MDGA2: variants seen among roughly 807,000 people sequenced by gnomAD.
MDGA2 encodes the protein MAM domain containing glycosylphosphatidylinositol anchor 2.
Under a neutral mutation model 117.8 loss-of-function variants are expected in MDGA2, and 40 were observed. That is an observed-to-expected ratio of 0.34 (90% confidence interval 0.26 to 0.44). MDGA2 has a LOEUF of 0.44. Ranked by LOEUF, MDGA2 falls within the 20% of genes least tolerant of loss-of-function variation. The pLI is 1.00. For synonymous variants in MDGA2, 452 were observed against 439.0 expected (o/e 1.03, Z -0.37); for missense variants, 1,123 against 1,250.6 (o/e 0.90, Z 1.54).
intron 5 of MDGA2, among the ~76,000 whole-genome samples, chr14:47,118,490 A>G (rs561354435): frequency 1.8e-4 from 28 of 152,322 alleles, no homozygotes; most frequent in African/African-American, 5.8e-4. Flanking sequence ...CTGAAAATAC[A>G]GCTTTCAAAT....
intron 5 of MDGA2, among the ~76,000 whole-genome samples, chr14:47,129,089 T>G (rs1374068912): frequency 3.1e-5 from 3 of 95,308 alleles, no homozygotes; most frequent in African/African-American, 9.2e-5. Context: ...CATTCTCTAG[T>G]TTTTTTTTTT....
chr14:47,046,677 C>A (rs1889278314), intron 7 of MDGA2, among the ~76,000 whole-genome samples: 1 of 151,538 alleles, frequency 6.6e-6, no homozygotes, highest in Non-Finnish European at 1.5e-5. Context: ...TATGTATAAG[C>A]AGTTGATAAA....
At chr14:47,085,386 G>A (rs186883882) in intron 6 of MDGA2, among the ~76,000 whole-genome samples, 16 of 152,192 alleles carry the variant, frequency 1.1e-4, no homozygotes, top group East Asian at 5.8e-4. Flanking sequence ...AGTAACTAAG[G>A]AATTTGAATA....
Position 46,967,836 on chromosome 14 carries a change from CTAA to C in MDGA2, c.1820-10196_1820-10194del, listed in dbSNP as rs1384919284. On this transcript the variant is annotated intron_variant, in intron 8 of 16. Coordinates refer to ENST00000399232, the MANE Select transcript of MDGA2 (RefSeq NM_001113498.3). ...CACAGTAAGAGATGGACAGCAATAACTAATAATAAAAGAATGATTATAATAATA... is the reference window on the plus strand; with the variant it reads ...CACAGTAAGAGATGGACAGCAATAACTAATAAAAGAATGATTATAATAATA... Among the ~76,000 whole-genome samples, 8 of 150,952 alleles carry C rather than the reference CTAA, an allele frequency of 5.3e-5. No homozygotes were observed. In the Middle Eastern group the frequency reaches 0.017, roughly 321 times the overall value.
chr14:47,344,027 T>C (rs1355667784), intron 1 of MDGA2, among the ~76,000 whole-genome samples: 1 of 152,196 alleles, frequency 6.6e-6, no homozygotes, highest in East Asian at 1.9e-4. Flanking sequence ...CTTGCCCCTC[T>C]GAGTGCAAAC....
intron 2 of MDGA2, among the ~76,000 whole-genome samples, chr14:47,272,496 T>C (rs960953913): frequency 1.3e-5 from 2 of 152,158 alleles, no homozygotes; most frequent in African/African-American, 4.8e-5. Flanking sequence ...AGTTCTCACC[T>C]ATCCTCTGCC....
At chr14:47,107,881 G>A (rs562773980) in intron 5 of MDGA2, among the ~76,000 whole-genome samples, 1 of 151,572 alleles carries the variant, frequency 6.6e-6, no homozygotes, top group Non-Finnish European at 1.5e-5. Context: ...ATAAGTAGAG[G>A]CCTTTCCTAC....
At chr14:46,926,922 T>G (rs556968600) in intron 9 of MDGA2, among the ~76,000 whole-genome samples, 4 of 152,238 alleles carry the variant, frequency 2.6e-5, no homozygotes, top group African/African-American at 9.6e-5. Flanking sequence ...TCAAAAGTGA[T>G]TGCGCATACT....
rs527387311 is a variant in MDGA2, at chr14:47,532,954, T to C, written c.280+141563A>G. ...CCTATGGCCTCCAAAACATCATGCC[T>C]TCCCTTATGGTAGCAACATGGCTGC... On this transcript the variant is annotated intron_variant, in intron 1 of 16. Transcript: ENST00000399232. Among the ~76,000 whole-genome samples the C allele has an allele frequency of 2.0e-5, 3 of 152,348 alleles. No individual in the cohort carries two copies. In the South Asian group the frequency reaches 6.2e-4, roughly 32 times the overall value.
At chr14:47,595,342 G>A (rs1448186590) in intron 1 of MDGA2, among the ~76,000 whole-genome samples, 3 of 151,666 alleles carry the variant, frequency 2.0e-5, no homozygotes, top group Admixed American at 6.6e-5. Context: ...TGAGATCAGC[G>A]TGGCCAATTT....
At chr14:47,149,582 A>G (rs951722749) in intron 3 of MDGA2, among the ~76,000 whole-genome samples, 2 of 152,224 alleles carry the variant, frequency 1.3e-5, no homozygotes, top group African/African-American at 2.4e-5. Context: ...TATTTCTGGA[A>G]CTTATATGAC....
At chr14:47,541,507 C>T (rs1175108248) in intron 1 of MDGA2, among the ~76,000 whole-genome samples, 1 of 152,144 alleles carries the variant, frequency 6.6e-6, no homozygotes, top group Non-Finnish European at 1.5e-5. Context: ...CTCTCTCTTA[C>T]CCATAAGCTC....
intron 1 of MDGA2, among the ~76,000 whole-genome samples, chr14:47,450,703 A>G (rs1319632573): frequency 2.0e-5 from 3 of 152,026 alleles, no homozygotes; most frequent in East Asian, 1.9e-4. Flanking sequence ...AATAACGGGG[A>G]AAAAAGTTGT....
chr14:46,928,462 G>A (rs1194291195), intron 9 of MDGA2, among the ~76,000 whole-genome samples: 1 of 151,842 alleles, frequency 6.6e-6, no homozygotes, highest in Admixed American at 6.6e-5. Context: ...CCTCTTCTTT[G>A]TAACTATTAG....
At chr14:47,252,005 T>C (rs185659975) in intron 2 of MDGA2, among the ~76,000 whole-genome samples, 2 of 152,150 alleles carry the variant, frequency 1.3e-5, no homozygotes, top group East Asian at 1.9e-4. Context: ...GAAGAGGCTA[T>C]AGTTTCCCAG....
chr14:47,592,493 C>G (rs1001295658), intron 1 of MDGA2, among the ~76,000 whole-genome samples: 1 of 151,824 alleles, frequency 6.6e-6, no homozygotes, highest in African/African-American at 2.4e-5. Flanking sequence ...CAAACTATAC[C>G]ACAAGGCTAC....
At chr14:47,173,379 A>T (rs886589500) in intron 3 of MDGA2, among the ~76,000 whole-genome samples, 35 of 152,172 alleles carry the variant, frequency 2.3e-4, no homozygotes, top group Non-Finnish European at 5.1e-4. Flanking sequence ...GAAGGAAAAA[A>T]TATTAAGGGC....
intron 1 of MDGA2, among the ~76,000 whole-genome samples, chr14:47,670,546 A>C (rs1898055530): frequency 6.6e-6 from 1 of 152,200 alleles, no homozygotes; most frequent in African/African-American, 2.4e-5. Context: ...CTACCATACA[A>C]TGACTTACAA....
intron 6 of MDGA2, among the ~76,000 whole-genome samples, chr14:47,082,866 T>C (rs1190206550): frequency 6.6e-6 from 1 of 151,942 alleles, no homozygotes; most frequent in Admixed American, 6.6e-5. Context: ...TTTTGCCAGA[T>C]AATTGGAACC....
Sources: allele counts gnomAD v4.1 joint callset (sites outside exome capture counted in the v4.1 genomes callset), GRCh38; gene constraint gnomAD v4.1.1; transcripts MANE v1.5; gene names NCBI Gene and HGNC (gene_info 2026-07-23, HGNC 2026-07-21).